The following NTM variants were observed in gnomAD, a reference collection of about 807,000 sequenced individuals.
NTM encodes the protein neurotrimin.
Under a neutral mutation model 42.1 loss-of-function variants are expected in NTM, and 13 were observed. The ratio of observed to expected loss-of-function variants is 0.31; its 90% CI spans 0.20 to 0.49. NTM has a LOEUF of 0.49. NTM is among the 20% of genes least tolerant of loss of function. The probability of loss-of-function intolerance (pLI) is 0.99; values close to 1 mark genes in which losing one functional copy is unlikely to be tolerated. For synonymous variants in NTM, 187 were observed against 179.2 expected (o/e 1.04, Z -0.35); for missense variants, 373 against 452.8 (o/e 0.82, Z 1.60).
At chr11:131,484,989 G>A (rs544547751) in intron 1 of NTM, among the ~76,000 whole-genome samples, 1 of 152,268 alleles carries the variant, frequency 6.6e-6, no homozygotes, top group South Asian at 2.1e-4. Flanking sequence ...AAATGGAGTG[G>A]GAGGAGGGGA....
chr11:132,030,215 A>G (rs982459471), intron 2 of NTM, among the ~76,000 whole-genome samples: 6 of 152,068 alleles, frequency 3.9e-5, no homozygotes, highest in Non-Finnish European at 7.4e-5. Context: ...CCTCTCCTCA[A>G]ACACTCCTAA....
chr11:131,868,960 T>G lies in NTM; in HGVS notation c.83-42604T>G, dbSNP rs1592392845. The stretch of plus-strand genomic sequence containing the variant: ...CATATAGGAACTCAATAAAGTTTTG[T>G]GGGCAAATGAATACAAGTATTTGAC... On this transcript the variant is annotated intron_variant, in intron 1 of 8. Transcript: ENST00000683400. Among the ~76,000 whole-genome samples the G allele has an allele frequency of 2.6e-5, 4 of 152,314 alleles. 1 individual carries two copies. The highest frequency in any genetic ancestry group is 2.6e-4 in the Admixed American group (4 of 15,308).
At chr11:131,493,814 T>C (rs1192765506) in intron 1 of NTM, among the ~76,000 whole-genome samples, 1 of 152,190 alleles carries the variant, frequency 6.6e-6, no homozygotes, top group African/African-American at 2.4e-5. Flanking sequence ...AGTACTAGAA[T>C]TTCATTTTCT....
intron 1 of NTM, among the ~76,000 whole-genome samples, chr11:131,438,118 C>T (rs991925148): frequency 5.9e-5 from 9 of 152,214 alleles, no homozygotes; most frequent in Non-Finnish European, 8.8e-5. Flanking sequence ...CCCCCACTCT[C>T]TTCTGACTTG....
intron 1 of NTM, among the ~76,000 whole-genome samples, chr11:131,791,880 T>C (rs945736312): frequency 6.6e-5 from 10 of 152,202 alleles, no homozygotes; most frequent in African/African-American, 2.2e-4. Context: ...TTTAACCTCA[T>C]TGAGACTCAG....
chr11:131,597,404 G>T (rs1332744816), intron 1 of NTM, among the ~76,000 whole-genome samples: 1 of 152,082 alleles, frequency 6.6e-6, no homozygotes, highest in Non-Finnish European at 1.5e-5. Flanking sequence ...ACTTTGGCGG[G>T]GAAGCACCTG....
rs71475754 is a variant in NTM, at chr11:131,419,155, A to AAAAC, written c.82+48295_82+48298dup. 9.5e-3 allele frequency among the ~76,000 whole-genome samples: 1,439 copies of AAAAC among 151,010 alleles called. 9 individuals carry two copies. Among genetic ancestry groups the AAAAC allele is most frequent in the South Asian group, 0.036 (172 of 4,776 alleles). On this transcript the variant is annotated intron_variant, in intron 1 of 8. Coordinates refer to ENST00000683400, the MANE Select transcript of NTM (RefSeq NM_001352005.2). ...GTTGAAGCTAAGTATACCTTGGTTAAAAACAAACAAACAAACAAACAAACA... is the reference window on the plus strand; with the variant it reads ...GTTGAAGCTAAGTATACCTTGGTTAAAAACAAACAAACAAACAAACAAACAAACA...
chr11:131,558,725 C>T (rs1356593153), intron 1 of NTM, among the ~76,000 whole-genome samples: 2 of 152,092 alleles, frequency 1.3e-5, no homozygotes, highest in Non-Finnish European at 2.9e-5. Context: ...ATCGGAATAG[C>T]TACACATAAG....
intron 1 of NTM, among the ~76,000 whole-genome samples, chr11:131,791,183 A>G (rs1483648891): frequency 6.6e-6 from 1 of 152,208 alleles, no homozygotes; most frequent in Non-Finnish European, 1.5e-5. Context: ...GGTCAAAGCT[A>G]GTTTCAGCCT....
chr11:131,566,086 C>T (rs980097349), intron 1 of NTM, among the ~76,000 whole-genome samples: 2 of 152,168 alleles, frequency 1.3e-5, no homozygotes, highest in African/African-American at 4.8e-5. Context: ...GGACTCCTGA[C>T]TTGTGCTCTT....
intron 1 of NTM, among the ~76,000 whole-genome samples, chr11:131,502,274 C>T (rs426077): frequency 0.36 from 55,057 of 151,692 alleles, 10,560 homozygotes; most frequent in African/African-American, 0.48. Flanking sequence ...GAAGGAGCCT[C>T]GAGAGAGAGA....
intron 1 of NTM, among the ~76,000 whole-genome samples, chr11:131,572,540 A>C (rs1592090236): frequency 6.6e-6 from 1 of 152,070 alleles, no homozygotes; most frequent in African/African-American, 2.4e-5. Flanking sequence ...GACAAATTTC[A>C]GCTGCCACTA....
At chr11:131,814,491 G>T (rs78680729) in intron 1 of NTM, among the ~76,000 whole-genome samples, 4 of 152,084 alleles carry the variant, frequency 2.6e-5, no homozygotes, top group African/African-American at 9.7e-5. Context: ...CTTTCCATAC[G>T]GTTTCAGATG....
In NTM at chr11:131,440,847, A is replaced by G. The variant is rs1035518756; in HGVS notation, c.82+69959A>G. Among the ~76,000 whole-genome samples, 326 of 122,000 alleles carry G rather than the reference A, an allele frequency of 2.7e-3. 5 individuals are homozygous for G. Among genetic ancestry groups the G allele is most frequent in the African/African-American group, 8.7e-3 (302 of 34,772 alleles). The allele number at this position is 122,000 out of a possible 152,430, so 80.0% of individuals were successfully genotyped here. On this transcript the variant is annotated intron_variant, in intron 1 of 8. Coordinates refer to ENST00000683400, the MANE Select transcript of NTM (RefSeq NM_001352005.2). ...AAAAAAAAAAAAAAAAAAAAAAAAAAAAAAAAAAAAAAAAAAATTCATGCC... is the reference window on the plus strand; with the variant it reads ...AAAAAAAAAAAAAAAAAAAAAAAAAGAAAAAAAAAAAAAAAAATTCATGCC...
At chr11:132,038,884 G>A (rs2076831352) in intron 2 of NTM, among the ~76,000 whole-genome samples, 1 of 152,130 alleles carries the variant, frequency 6.6e-6, no homozygotes, top group African/African-American at 2.4e-5. Flanking sequence ...TGGAGCCTGT[G>A]GTCTCCACCT....
At chr11:131,866,157 GCACA>G (rs75721877) in intron 1 of NTM, among the ~76,000 whole-genome samples, 12,145 of 151,190 alleles carry the variant, frequency 0.08, 861 homozygotes, top group East Asian at 0.37. Context: ...CACACACGGT[GCACA>G]CACACAGCAC....
chr11:131,491,837 G>A (rs1057191780), intron 1 of NTM, among the ~76,000 whole-genome samples: 1 of 152,158 alleles, frequency 6.6e-6, no homozygotes, highest in Non-Finnish European at 1.5e-5. Flanking sequence ...CACAGGACAC[G>A]CTCAGATCTG....
chr11:131,797,707 G>A (rs1053822069), intron 1 of NTM, among the ~76,000 whole-genome samples: 14 of 152,112 alleles, frequency 9.2e-5, no homozygotes, highest in Non-Finnish European at 1.8e-4. Context: ...TCTCACAGAT[G>A]GATTTTTATA....
At chr11:131,867,461 G>A (rs2047337410) in intron 1 of NTM, among the ~76,000 whole-genome samples, 2 of 151,714 alleles carry the variant, frequency 1.3e-5, no homozygotes, top group Admixed American at 1.3e-4. Context: ...GTGTGTGTGT[G>A]TCTGTGTGTG....
Sources: allele counts gnomAD v4.1 joint callset (sites outside exome capture counted in the v4.1 genomes callset), GRCh38; gene constraint gnomAD v4.1.1; transcripts MANE v1.5; gene names NCBI Gene and HGNC (gene_info 2026-07-23, HGNC 2026-07-21).